Variants in GRIK2 observed in about 807,000 individuals in gnomAD.
GRIK2 encodes the protein glutamate receptor ionotropic, kainate 2.
A neutral mutation model predicts 100.3 loss-of-function variants in GRIK2; 32 were observed. The observed-to-expected ratio is 0.32, with a 90% CI of 0.24 to 0.43. The LOEUF is 0.43. Ranked by LOEUF, GRIK2 falls within the 20% of genes least tolerant of loss-of-function variation. The pLI is 1.00. For missense variants in GRIK2, 843 were observed against 1,114.9 expected, an observed-to-expected ratio of 0.76 and a Z score of 3.47; for synonymous variants, 417 against 389.4, an observed-to-expected ratio of 1.07 and a Z score of -0.83.
At chr6:101,693,248 T>C (rs191105584) in intron 7 of GRIK2, among the ~76,000 whole-genome samples, 11 of 152,214 alleles carry the variant, frequency 7.2e-5, no homozygotes, top group Admixed American at 6.5e-4. Flanking sequence ...TATAGGTCAA[T>C]TTTCAAACTT....
rs774056838 is a variant in GRIK2 at position 101,544,017 on chromosome 6, G to A, written c.116-77932G>A. On this transcript the variant is annotated intron_variant, in intron 2 of 16. Coordinates refer to ENST00000369134, the MANE Select transcript of GRIK2 (RefSeq NM_021956.5). Reference sequence around the variant, plus strand: ...GGGACGCTGGTTGAGCATATGTCAAGAACACAGGGCTGTAATTACTTAAAA... The same window carrying A: ...GGGACGCTGGTTGAGCATATGTCAAAAACACAGGGCTGTAATTACTTAAAA... 1.2e-4 allele frequency among the ~76,000 whole-genome samples: 19 copies of A among 152,184 alleles called. No individual in the cohort carries two copies. The South Asian group carries it at 2.7e-3, about 22-fold the overall frequency.
intron 14 of GRIK2, among the ~76,000 whole-genome samples, chr6:101,951,484 T>G (rs1791601964): frequency 6.6e-6 from 1 of 152,170 alleles, no homozygotes; most frequent in South Asian, 2.1e-4. Flanking sequence ...TGTTTAAATA[T>G]TTTTGCTTTA....
intron 11 of GRIK2, among the ~76,000 whole-genome samples, chr6:101,866,906 G>GTGTGTGTGTGTGAA (rs1257960337): frequency 6.6e-6 from 1 of 151,740 alleles, no homozygotes; most frequent in Non-Finnish European, 1.5e-5. Flanking sequence ...TTCATTGTGT[G>GTGTGTGTGTGTGAA]TGTGTGTGTG....
chr6:101,743,669 C>T (rs1776190418), intron 7 of GRIK2, among the ~76,000 whole-genome samples: 1 of 151,898 alleles, frequency 6.6e-6, no homozygotes, highest in Admixed American at 6.6e-5. Context: ...TAACATCAAC[C>T]CTCAATTTCA....
chr6:101,589,926 G>A (rs983032372), intron 2 of GRIK2, among the ~76,000 whole-genome samples: 2 of 151,902 alleles, frequency 1.3e-5, no homozygotes, highest in Non-Finnish European at 2.9e-5. Context: ...TACTTGAAGG[G>A]GAAACTAATA....
Position 101,703,150 on chromosome 6 carries a change from ACT to A in GRIK2, c.951+16799_951+16800del, listed in dbSNP as rs370386272. 2.4e-3 allele frequency among the ~76,000 whole-genome samples: 369 copies of A among 151,894 alleles called. 6 individuals are homozygous for A. Among genetic ancestry groups the A allele is most frequent in the African/African-American group, 8.7e-3 (362 of 41,512 alleles). ...ATGGGTAATGTTTTACGAGTTTGAAACTCAGGTGAAAGGATTGTAGAATAAAT... is the reference window on the plus strand; with the variant it reads ...ATGGGTAATGTTTTACGAGTTTGAAACAGGTGAAAGGATTGTAGAATAAAT... On this transcript the variant is annotated intron_variant, in intron 7 of 16. Transcript: ENST00000369134.
At chr6:101,423,000 A>G (rs999909810) in intron 2 of GRIK2, among the ~76,000 whole-genome samples, 1 of 151,810 alleles carries the variant, frequency 6.6e-6, no homozygotes, top group African/African-American at 2.4e-5. Flanking sequence ...TCATTACCAC[A>G]TGGGATGCAG....
At chr6:102,045,369 C>T in intron 15 of GRIK2, among the ~76,000 whole-genome samples, 1 of 152,096 alleles carries the variant, frequency 6.6e-6, no homozygotes, top group East Asian at 1.9e-4. Flanking sequence ...CTTTTTCTTA[C>T]TTCTCTCTCT....
At chr6:101,411,660 A>G (rs1169143516) in intron 2 of GRIK2, among the ~76,000 whole-genome samples, 1 of 152,116 alleles carries the variant, frequency 6.6e-6, no homozygotes, top group African/African-American at 2.4e-5. Flanking sequence ...ATGATGAAAA[A>G]CAATGAGTAA....
At chr6:102,055,275 T>C (rs1164248540) in intron 15 of GRIK2, 55 bp from the exon 16 acceptor site, 1 of 1,400,562 alleles carries the variant, frequency 7.1e-7, no homozygotes, top group Non-Finnish European at 9.9e-7. Context: ...TGCTAACCTT[T>C]AATTATGAAA....
rs1240853664 is a variant in GRIK2, at chr6:101,793,087, T to G, written c.952-6561T>G. On this transcript the variant is annotated intron_variant, in intron 7 of 16. Transcript: ENST00000369134. ...CTCCTTTAAGCACTTCTCTGTATTGTTTATTCTATTTATACATTCGTCTAA... is the reference window on the plus strand; with the variant it reads ...CTCCTTTAAGCACTTCTCTGTATTGGTTATTCTATTTATACATTCGTCTAA... 1.6e-4 allele frequency among the ~76,000 whole-genome samples: 25 copies of G among 152,246 alleles called. 1 individual carries two copies. The East Asian group carries it at 3.1e-3, about 19-fold the overall frequency.
At chr6:101,697,455 G>A (rs1158194632) in intron 7 of GRIK2, among the ~76,000 whole-genome samples, 1 of 148,166 alleles carries the variant, frequency 6.7e-6, no homozygotes, top group Non-Finnish European at 1.5e-5. Context: ...TTTTTAAAAT[G>A]AGCCCAATTA....
rs920693912 is a variant in GRIK2, at chr6:102,025,542, T to A, written c.2086-9799T>A. Among the ~76,000 whole-genome samples, 12 of 151,358 alleles carry A rather than the reference T, an allele frequency of 7.9e-5. No homozygotes were observed. The East Asian group carries it at 2.1e-3, about 27-fold the overall frequency. On this transcript the variant is annotated intron_variant, in intron 14 of 16. Coordinates refer to ENST00000369134, the MANE Select transcript of GRIK2 (RefSeq NM_021956.5). ...AGAGGAAGTGGAGAAGCGAGGCACA[T>A]GGATATGCAGGGAAAATGCATTCCA...
intron 11 of GRIK2, among the ~76,000 whole-genome samples, chr6:101,866,582 A>G (rs1785065280): frequency 6.6e-6 from 1 of 152,144 alleles, no homozygotes; most frequent in Non-Finnish European, 1.5e-5. Context: ...ATTTCTACCA[A>G]TAGTTTATAA....
chr6:101,456,780 T>G (rs771470774), intron 2 of GRIK2, among the ~76,000 whole-genome samples: 3 of 152,110 alleles, frequency 2.0e-5, no homozygotes, highest in Non-Finnish European at 2.9e-5. Flanking sequence ...GACTTTTCAT[T>G]TGTAGCTGTG....
At chr6:101,441,391 C>T (rs1770043734) in intron 2 of GRIK2, among the ~76,000 whole-genome samples, 1 of 152,126 alleles carries the variant, frequency 6.6e-6, no homozygotes, top group African/African-American at 2.4e-5. Flanking sequence ...AAAAAGCAGT[C>T]ATCATTTCCA....
At chr6:101,910,563 T>A (rs1331740159) in intron 12 of GRIK2, among the ~76,000 whole-genome samples, 1 of 151,316 alleles carries the variant, frequency 6.6e-6, no homozygotes, top group African/African-American at 2.4e-5. Context: ...GGTAAATACA[T>A]AGTACTTATT....
intron 2 of GRIK2, among the ~76,000 whole-genome samples, chr6:101,453,013 T>TA (rs142089001): frequency 6.6e-6 from 1 of 151,764 alleles, no homozygotes; most frequent in East Asian, 1.9e-4. Context: ...ATGATAGTTC[T>TA]AAAAAAAATC....
At chr6:101,818,949 C>T (rs778633205) in intron 10 of GRIK2, among the ~76,000 whole-genome samples, 85 of 151,976 alleles carry the variant, frequency 5.6e-4, no homozygotes, top group Non-Finnish European at 9.4e-4. Context: ...TTATTGTTTT[C>T]ATCTTGGAAA....
Sources: gnomAD v4.1 joint callset for allele counts (sites outside exome capture counted in the v4.1 genomes callset) on GRCh38, gnomAD v4.1.1 for gene constraint, MANE v1.5 for transcripts, NCBI Gene and HGNC (gene_info 2026-07-23, HGNC 2026-07-21) for gene names.